HAP1: variants seen among roughly 807,000 people sequenced by gnomAD.
HAP1 encodes the protein huntingtin-associated protein 1.
In HAP1, 59 loss-of-function variants were observed where a neutral mutation model predicts 60.3. The observed-to-expected ratio is 0.98, with a 90% CI of 0.79 to 1.22. The LOEUF (loss-of-function observed/expected upper bound fraction) is 1.22, where lower values mean the gene tolerates loss of function less well. Ranked by LOEUF, HAP1 falls within the 50% of genes most tolerant of loss-of-function variation. The pLI, the probability that HAP1 is intolerant of heterozygous loss-of-function variation, is 0.00. For missense variants in HAP1, 825 were observed against 785.3 expected (o/e 1.05, Z -0.60); for synonymous variants, 346 against 330.6 (o/e 1.05, Z -0.50).
chr17:41,729,299 C>T (rs1911935021), intron 6 of HAP1, among the ~76,000 whole-genome samples: 1 of 150,694 alleles, frequency 6.6e-6, no homozygotes, highest in East Asian at 2.0e-4. Context: ...CCTGTAATCT[C>T]AGCGCTTTGG....
intron 7 of HAP1, 29 bp from the exon 8 acceptor site, chr17:41,727,865 C>T: frequency 7.2e-7 from 1 of 1,381,332 alleles, no homozygotes. Flanking sequence ...AGTGAACCCC[C>T]ATCTGAGGCC....
Position 41,724,703 on chromosome 17 carries a change from A to G in HAP1, c.1858T>C (p.Ter620ArgextTer43), listed in dbSNP as rs782231762. The G allele has an allele frequency of 1.8e-5, 28 of 1,586,062 alleles. No homozygotes were observed. Among genetic ancestry groups the G allele is most frequent in the Non-Finnish European group, 2.4e-5 (28 of 1,161,158 alleles). Reference protein sequence around the residue: ...SRTSCRSSCR* With the variant: ...SRTSCRSSCRR ...GGGAGCTTATCCACCCTCTCTTTTCATCGGCACGACGATCTGCAGCTTGTC... is the reference window on the plus strand; with the variant it reads ...GGGAGCTTATCCACCCTCTCTTTTCGTCGGCACGACGATCTGCAGCTTGTC... The change falls in exon 11 of 11, where the codon TGA becomes CGA. Residue 620 changes from the stop codon to arginine, a stop_lost. Transcript: ENST00000347901.
chr17:41,732,443 T>G (rs782339286), intron 2 of HAP1, 49 bp from the exon 3 acceptor site: 2 of 1,584,752 alleles, frequency 1.3e-6, no homozygotes, highest in Non-Finnish European at 1.7e-6. Flanking sequence ...TAAGAGAACC[T>G]TCCCCATCCC....
chr17:41,734,151 G>C lies in HAP1; in HGVS notation c.469+15C>G. Reference sequence around the variant, plus strand: ...CAGTCCCCACCCGGTCCAGGACCCCGGGGGCCCGATTTACCTTCCTCCAGC... The same window carrying C: ...CAGTCCCCACCCGGTCCAGGACCCCCGGGGCCCGATTTACCTTCCTCCAGC... On this transcript the variant is annotated intron_variant, in intron 1 of 10. Transcript: ENST00000347901. 9 of 1,557,154 alleles carry C rather than the reference G, an allele frequency of 5.8e-6. No homozygotes were observed. Among genetic ancestry groups the C allele is most frequent in the Non-Finnish European group, 7.8e-6 (9 of 1,146,602 alleles).
chr17:41,729,549 CAAAAAAAAAAAA>C (rs1162563636), intron 6 of HAP1, among the ~76,000 whole-genome samples: 1,783 of 63,118 alleles, frequency 0.028, 171 homozygotes, highest in African/African-American at 0.1. Flanking sequence ...GCCTCCTTCT[CAAAAAAAAAAAA>C]AAAAAAAAAA....
chr17:41,719,952 C>T (rs188377156), downstream of HAP1, among the ~76,000 whole-genome samples: 1,035 of 146,866 alleles, frequency 7.0e-3, 7 homozygotes, highest in Non-Finnish European at 9.0e-3. Flanking sequence ...TGCAGTGGCA[C>T]GATCTTGGCT....
downstream of HAP1, chr17:41,721,032 C>T (rs1911179422): frequency 6.6e-6 from 1 of 152,164 alleles, no homozygotes; most frequent in Non-Finnish European, 1.5e-5. Flanking sequence ...CTCCTGACCT[C>T]AGGTGATCCA....
At chr17:41,720,511 A>T (rs1397513617), downstream of HAP1, among the ~76,000 whole-genome samples, 3 of 152,144 alleles carry the variant, frequency 2.0e-5, no homozygotes, top group Non-Finnish European at 4.4e-5. Context: ...TTTAACTTTT[A>T]TCCTTCCTGG....
At chr17:41,718,830 TTGGAG>T (rs1911083658), downstream of HAP1, among the ~76,000 whole-genome samples, 1 of 152,212 alleles carries the variant, frequency 6.6e-6, no homozygotes, top group Non-Finnish European at 1.5e-5. Context: ...CCAAGGATAC[TTGGAG>T]AAAGTCTATG....
rs914974240 is a variant in HAP1, at chr17:41,724,122, G to A, written c.*579C>T. The A allele has an allele frequency of 1.3e-5, 2 of 153,256 alleles. No individual in the cohort carries two copies. Among genetic ancestry groups the A allele is most frequent in the Non-Finnish European group, 2.9e-5 (2 of 68,546 alleles). The allele number at this position is 153,256 out of a possible 1,614,324, so 9.5% of individuals were successfully genotyped here. On this transcript the variant is annotated 3_prime_UTR_variant, in exon 11 of 11. Coordinates refer to ENST00000347901, the MANE Select transcript of HAP1 (RefSeq NM_177977.3). Reference sequence around the variant, plus strand: ...CTCCCAGACTTTGGGGTTTCTGGCTGGGGAGAGGAGACCCTGTTCCACCCC... The same window carrying A: ...CTCCCAGACTTTGGGGTTTCTGGCTAGGGAGAGGAGACCCTGTTCCACCCC...
In HAP1 at chr17:41,734,349, T is replaced by C. The variant is rs782058812; in HGVS notation, c.286A>G (p.Met96Val). Residue 96 changes from methionine to valine, a missense_variant, in exon 1 of 11, where the codon ATG becomes GTG. Physicochemically the swap from Met to Val is conservative, Grantham distance 21. Coordinates refer to ENST00000347901, the MANE Select transcript of HAP1 (RefSeq NM_177977.3). ...FSAIQGDVRS[M>V]PDNSDAPWTR... The stretch of plus-strand genomic sequence containing the variant: ...CACGGCGCGTCCGAATTGTCGGGCA[T>C]AGACCGGACATCCCCTTGGATGGCC... 3.1e-6 allele frequency: 5 copies of C among 1,609,450 alleles called. No individual in the cohort carries two copies. The South Asian group carries it at 3.3e-5, about 11-fold the overall frequency.
In HAP1 at chr17:41,724,653, C is replaced by G. The variant is rs560765169; in HGVS notation, c.*48G>C. The G allele has an allele frequency of 2.0e-5, 28 of 1,388,834 alleles. No individual in the cohort carries two copies. Among genetic ancestry groups the G allele is most frequent in the Middle Eastern group, 5.2e-4 (2 of 3,842 alleles). The allele number at this position is 1,388,834 out of a possible 1,614,324, so 86.0% of individuals were successfully genotyped here. On this transcript the variant is annotated 3_prime_UTR_variant, in exon 11 of 11. Transcript: ENST00000347901. ...ATGCAAATAAGCACAGCAGGTAGAG[C>G]CAGGCTGGGGCAGGTGAGCACTCGG... is the stretch of plus-strand genomic sequence containing the variant.
rs782698512 is a variant in HAP1 at position 41,732,028 on chromosome 17, C to G, written c.805G>C (p.Glu269Gln). The G allele has an allele frequency of 1.9e-6, 3 of 1,550,752 alleles. No individual in the cohort carries two copies. The highest frequency in any genetic ancestry group is 2.2e-5 in the East Asian group (1 of 44,564). ...TCTTCTGCCTCCTTTTCTTCCTCCT[C>G]CTCTTCTTCATCCTCATCCTCCTCA... ...SDEEDEDEEE[E>Q]EEEKEAEEEQ... The change falls in exon 4 of 11, where the codon GAG becomes CAG. Residue 269 changes from glutamate (E) to glutamine (Q), a missense_variant. By Grantham distance (29) the Glu-to-Gln change is conservative. Coordinates refer to ENST00000347901, the MANE Select transcript of HAP1 (RefSeq NM_177977.3).
At position 41,728,245 on chromosome 17, in the gene HAP1, G is replaced by C; in HGVS notation, c.1156C>G (p.Arg386Gly). The change falls in exon 7 of 11, where the codon CGG (arginine) becomes GGG (glycine). Residue 386 changes from arginine (R) to glycine (G), a missense_variant. Arg to Gly is a moderately radical substitution (Grantham distance 125). Transcript: ENST00000347901. ...AGCTTCAGCACCTGGGCCTGCAGCC[G>C]AGCGACCTCCTGCTGCTGCCGTTCA... ...NYERQQQEVA[R>G]LQAQVLKLQQ... The C allele has an allele frequency of 7.4e-6, 12 of 1,613,304 alleles. No homozygotes were observed. Among genetic ancestry groups the C allele is most frequent in the Non-Finnish European group, 1.0e-5 (12 of 1,180,018 alleles).
intron 10 of HAP1, among the ~76,000 whole-genome samples, chr17:41,725,502 C>G (rs944196051): frequency 1.3e-5 from 2 of 152,228 alleles, no homozygotes; most frequent in Non-Finnish European, 2.9e-5. Flanking sequence ...CCATTCTAGA[C>G]AGGCTCAGAC....
intron 1 of HAP1, 120 bp from the exon 2 acceptor site, chr17:41,732,918 G>A (rs1555591523): frequency 1.5e-6 from 1 of 687,314 alleles, no homozygotes; most frequent in African/African-American, 1.7e-5. Context: ...GTCATCGGGA[G>A]AGAAGACTGG....
In HAP1 at chr17:41,734,291, G is replaced by A. The variant is rs551033053; in HGVS notation, c.344C>T (p.Ser115Phe). The change falls in exon 1 of 11, where the codon TCC (serine) becomes TTC (phenylalanine). Residue 115 changes from serine to phenylalanine, a missense_variant. Ser to Phe is a radical substitution (Grantham distance 155). Transcript: ENST00000347901. ...TCCAGTCCCCCGGCCAGTGGCCCGG[G>A]AACCAAACGGCCCTTGGAATACGAA... ...TRFVFQGPFG[S>F]RATGRGTGKA... The A allele has an allele frequency of 3.0e-5, 49 of 1,608,986 alleles. No individual in the cohort carries two copies. The African/African-American group carries it at 5.6e-4, about 18-fold the overall frequency.
In HAP1 at chr17:41,724,233, C is replaced by G. The variant is rs1230033584; in HGVS notation, c.*468G>C. ...CCCTTGCTGGTGAAGGCCTTTGTCCCCATAGCCTGGGCAGTCCCAGAAGGC... is the reference window on the plus strand; with the variant it reads ...CCCTTGCTGGTGAAGGCCTTTGTCCGCATAGCCTGGGCAGTCCCAGAAGGC... On this transcript the variant is annotated 3_prime_UTR_variant, in exon 11 of 11. Coordinates refer to ENST00000347901, the MANE Select transcript of HAP1 (RefSeq NM_177977.3). 1 of 162,266 alleles carries G rather than the reference C, an allele frequency of 6.2e-6. No homozygotes were observed. Among genetic ancestry groups the G allele is most frequent in the Non-Finnish European group, 1.4e-5 (1 of 73,300 alleles). 10.1% of individuals were successfully genotyped at this position (162,266 alleles called of 1,614,324 possible). A position where few individuals can be genotyped will look rare whatever the true frequency, so the allele number is the denominator to read the frequency against.
In HAP1 at chr17:41,730,117, G is replaced by GAAAAGAAAAGAAAAGA. The variant is rs1567783729; in HGVS notation, c.1069+1375_1069+1376insTCTTTTCTTTTCTTTT. On this transcript the variant is annotated intron_variant, in intron 6 of 10. Transcript: ENST00000347901. ...AGAAAAGAAAAGAAAAGAAAAGAAA[G>GAAAAGAAAAGAAAAGA]AAAGAAAGAAAAAATGAGGTCTTGC... The GAAAAGAAAAGAAAAGA allele has an allele frequency of 1.3e-4, 5 of 38,758 alleles. 1 individual carries two copies. The highest frequency in any genetic ancestry group is 6.7e-4 in the African/African-American group (4 of 5,940). The allele number at this position is 38,758 out of a possible 1,614,324, so 2.4% of individuals were successfully genotyped here.
Sources: gnomAD v4.1 joint callset for allele counts (sites outside exome capture counted in the v4.1 genomes callset) on GRCh38, gnomAD v4.1.1 for gene constraint, MANE v1.5 for transcripts, NCBI Gene and HGNC (gene_info 2026-07-23, HGNC 2026-07-21) for gene names.